Variants in SGIP1 observed in about 807,000 individuals in gnomAD.
The protein encoded by SGIP1 is SH3GL interacting endocytic adaptor 1, also known as SH3-containing GRB2-like protein 3-interacting protein 1.
SGIP1 carries 38 observed loss-of-function variants against 107.5 expected under a neutral mutation model. That is an observed-to-expected ratio of 0.35 (90% CI 0.27 to 0.46). The LOEUF (loss-of-function observed/expected upper bound fraction) is 0.46, where lower values mean the gene tolerates loss of function less well. Ranked by LOEUF, SGIP1 falls within the 20% of genes least tolerant of loss-of-function variation. The pLI is 1.00. For synonymous variants in SGIP1, 365 were observed against 366.1 expected (o/e 1.00, Z 0.03); for missense variants, 929 against 1,019.5 (o/e 0.91, Z 1.21).
intron 2 of SGIP1, among the ~76,000 whole-genome samples, chr1:66,630,817 A>G (rs1001459038): frequency 5.7e-4 from 3 of 5,308 alleles, no homozygotes; most frequent in Non-Finnish European, 8.6e-4. Flanking sequence ...GAAAGAAAGA[A>G]AGAAAGAAAG....
At chr1:66,537,242 G>A (rs34704543) in intron 1 of SGIP1, among the ~76,000 whole-genome samples, 120 of 152,190 alleles carry the variant, frequency 7.9e-4, no homozygotes, top group African/African-American at 2.8e-3. Flanking sequence ...GGCAGTGGTT[G>A]GCATTGAGTT....
Position 66,617,430 on chromosome 1 carries a change from T to C in SGIP1, c.11-8417T>C, listed in dbSNP as rs985015221. 3.9e-5 allele frequency among the ~76,000 whole-genome samples: 6 copies of C among 152,168 alleles called. No individual in the cohort carries two copies. In the South Asian group the frequency reaches 1.2e-3, roughly 32 times the overall value. ...GATTACAGTGACTATATTTAAAGCCTAGAGGAAAAGCTGATACACAAAGCA... is the reference window on the plus strand; with the variant it reads ...GATTACAGTGACTATATTTAAAGCCCAGAGGAAAAGCTGATACACAAAGCA... On this transcript the variant is annotated intron_variant, in intron 1 of 24. Coordinates refer to ENST00000371037, the MANE Select transcript of SGIP1 (RefSeq NM_032291.4).
intron 1 of SGIP1, among the ~76,000 whole-genome samples, chr1:66,613,841 T>C (rs1273700196): frequency 1.3e-5 from 2 of 152,136 alleles, no homozygotes; most frequent in Admixed American, 6.5e-5. Flanking sequence ...AATTAGAGGG[T>C]AATATTAGAT....
At chr1:66,702,081 G>A (rs2091978477) in intron 18 of SGIP1, among the ~76,000 whole-genome samples, 1 of 152,086 alleles carries the variant, frequency 6.6e-6, no homozygotes, top group South Asian at 2.1e-4. Context: ...CCTTAATACG[G>A]GCTACATTCT....
chr1:66,705,841 AGGG>A (rs35164038), intron 18 of SGIP1, among the ~76,000 whole-genome samples: 3 of 152,052 alleles, frequency 2.0e-5, no homozygotes, highest in Non-Finnish European at 2.9e-5. Flanking sequence ...GGACACAGGG[AGGG>A]GAACAACACA....
chr1:66,592,043 C>T (rs550580048), intron 1 of SGIP1, among the ~76,000 whole-genome samples: 33 of 152,280 alleles, frequency 2.2e-4, no homozygotes, highest in African/African-American at 7.0e-4. Flanking sequence ...ACATTCCATT[C>T]CCAAGGACGA....
intron 1 of SGIP1, among the ~76,000 whole-genome samples, chr1:66,589,887 A>T (rs1044782398): frequency 6.6e-6 from 1 of 152,084 alleles, no homozygotes; most frequent in South Asian, 2.1e-4. Context: ...ATTATTATCC[A>T]TTGTCTTGTG....
intron 7 of SGIP1, among the ~76,000 whole-genome samples, chr1:66,648,011 G>A (rs762563821): frequency 2.6e-5 from 4 of 152,254 alleles, no homozygotes; most frequent in South Asian, 4.2e-4. Flanking sequence ...GATGTGGGGT[G>A]GGCAGAGGGA....
At position 66,750,066 on chromosome 1, in the gene SGIP1, T is replaced by A. The variant is rs1386145464; in HGVS notation, c.*6971T>A. On this transcript the variant is annotated 3_prime_UTR_variant, in exon 25 of 25. Transcript: ENST00000371037. ...GTGTGTGTGTGTGTGTGTGTGTGTG[T>A]GTCTCTTTCCTCTCTGTCTAAGGGG... Among the ~76,000 whole-genome samples, 4 of 151,560 alleles carry A rather than the reference T, an allele frequency of 2.6e-5. No homozygotes were observed. The South Asian group carries it at 6.3e-4, about 24-fold the overall frequency.
At chr1:66,619,890 A>G (rs770448440) in intron 1 of SGIP1, among the ~76,000 whole-genome samples, 1 of 152,222 alleles carries the variant, frequency 6.6e-6, no homozygotes, top group Non-Finnish European at 1.5e-5. Flanking sequence ...TGTTTTAAAA[A>G]TAAAATAAAA....
At chr1:66,716,262 T>G (rs188448647) in intron 18 of SGIP1, among the ~76,000 whole-genome samples, 107 of 152,284 alleles carry the variant, frequency 7.0e-4, no homozygotes, top group Non-Finnish European at 1.4e-3. Context: ...TAGCTACTGA[T>G]TCATGCTCAT....
chr1:66,682,671 G>A (rs1033739411), intron 15 of SGIP1, among the ~76,000 whole-genome samples: 3 of 151,992 alleles, frequency 2.0e-5, no homozygotes, highest in African/African-American at 7.3e-5. Flanking sequence ...TGGAATTCAG[G>A]AAAGTTCTAG....
chr1:66,695,072 T>C (rs2090604843), intron 17 of SGIP1: 4 of 396,044 alleles, frequency 1.0e-5, no homozygotes, highest in Non-Finnish European at 8.8e-6. Context: ...GAAGATGAAA[T>C]GGATACAGCA....
At chr1:66,666,899 C>T (rs72669476) in intron 8 of SGIP1, 11,706 of 152,326 alleles carry the variant, frequency 0.077, 470 homozygotes, top group South Asian at 0.098. Context: ...CTACGTTTGT[C>T]AGGGGCTCCT....
intron 1 of SGIP1, among the ~76,000 whole-genome samples, chr1:66,546,294 G>A (rs1477518277): frequency 1.3e-5 from 2 of 152,166 alleles, no homozygotes; most frequent in Non-Finnish European, 2.9e-5. Flanking sequence ...AGTTAATATA[G>A]TATCTCACAT....
intron 1 of SGIP1, among the ~76,000 whole-genome samples, chr1:66,571,104 A>G (rs561961650): frequency 3.3e-5 from 5 of 152,130 alleles, no homozygotes; most frequent in Admixed American, 2.6e-4. Context: ...CCCTTAACAA[A>G]CTAAAGTTGA....
intron 1 of SGIP1, among the ~76,000 whole-genome samples, chr1:66,589,202 A>ATGTGTGTGTGTG (rs1265607889): frequency 3.2e-4 from 17 of 52,592 alleles, no homozygotes; most frequent in African/African-American, 5.3e-4. Flanking sequence ...ATATATATAT[A>ATGTGTGTGTGTG]TATATATATA....
chr1:66,679,948 AG>A (rs2086300170), intron 14 of SGIP1, among the ~76,000 whole-genome samples, 196 bp downstream of exon 14: 1 of 152,266 alleles, frequency 6.6e-6, no homozygotes, highest in African/African-American at 2.4e-5. Context: ...CACACAAAAA[AG>A]TAATAATTTC....
chr1:66,601,827 A>T (rs1025856596), intron 1 of SGIP1, among the ~76,000 whole-genome samples: 4 of 152,158 alleles, frequency 2.6e-5, no homozygotes, highest in African/African-American at 4.8e-5. Context: ...GACCCTGTAA[A>T]TTGATTTCCT....
Sources: allele counts gnomAD v4.1 joint callset (sites outside exome capture counted in the v4.1 genomes callset), GRCh38; gene constraint gnomAD v4.1.1; transcripts MANE v1.5; gene names NCBI Gene and HGNC (gene_info 2026-07-23, HGNC 2026-07-21).